The following GRID2 variants were observed in gnomAD, a reference collection of about 807,000 sequenced individuals.
GRID2 encodes the protein glutamate ionotropic receptor delta type subunit 2, also known as glutamate receptor ionotropic, delta-2.
A neutral mutation model predicts 114.8 loss-of-function variants in GRID2; 33 were observed. The ratio of observed to expected loss-of-function variants is 0.29; its 90% CI spans 0.22 to 0.38. The LOEUF is 0.38. GRID2 is among the 10% of genes least tolerant of loss of function. GRID2 has a pLI of 1.00. For synonymous variants in GRID2, 505 were observed against 449.9 expected, an observed-to-expected ratio of 1.12 and a Z score of -1.55; for missense variants, 1,184 against 1,257.7, an observed-to-expected ratio of 0.94 and a Z score of 0.89.
intron 1 of GRID2, among the ~76,000 whole-genome samples, chr4:92,315,417 A>G (rs976096272): frequency 6.6e-6 from 1 of 152,204 alleles, no homozygotes; most frequent in Non-Finnish European, 1.5e-5. Context: ...GCTGGAGCCT[A>G]GGAACTTAAT....
At chr4:92,550,983 T>A (rs2149172647) in intron 1 of GRID2, among the ~76,000 whole-genome samples, 1 of 152,326 alleles carries the variant, frequency 6.6e-6, no homozygotes, top group Non-Finnish European at 1.5e-5. Flanking sequence ...ACCAGTTTTC[T>A]GATTCTGGTT....
At chr4:92,430,698 G>T (rs1732397218) in intron 1 of GRID2, among the ~76,000 whole-genome samples, 1 of 152,092 alleles carries the variant, frequency 6.6e-6, no homozygotes, top group Non-Finnish European at 1.5e-5. Context: ...AGTTTGGGTA[G>T]TATGGACTTT....
chr4:93,798,773 C>A (rs1248985135), intron 1 of GRID2, among the ~76,000 whole-genome samples: 2 of 152,172 alleles, frequency 1.3e-5, no homozygotes, highest in Non-Finnish European at 2.9e-5. Flanking sequence ...ATGCCTCTCC[C>A]CACCCTCAGA....
intron 2 of GRID2, among the ~76,000 whole-genome samples, chr4:92,795,391 A>G (rs1739814303): frequency 6.6e-6 from 1 of 151,850 alleles, no homozygotes; most frequent in Admixed American, 6.6e-5. Context: ...CCATGTAAGA[A>G]GTGCCTTTCA....
At chr4:93,221,698 G>A (rs141341329) in intron 6 of GRID2, among the ~76,000 whole-genome samples, 1 of 152,154 alleles carries the variant, frequency 6.6e-6, no homozygotes, top group South Asian at 2.1e-4. Flanking sequence ...ATAAAGTGTA[G>A]CATAGGAAAG....
chr4:92,770,126 C>T (rs1027259074), intron 2 of GRID2, among the ~76,000 whole-genome samples: 12 of 152,176 alleles, frequency 7.9e-5, no homozygotes, highest in Admixed American at 7.2e-4. Context: ...ATTTCTTCCA[C>T]AAGATAGCCT....
At chr4:92,955,400 T>C (rs1752328018) in intron 2 of GRID2, among the ~76,000 whole-genome samples, 1 of 152,360 alleles carries the variant, frequency 6.6e-6, no homozygotes, top group African/African-American at 2.4e-5. Flanking sequence ...GTCTGTTGGC[T>C]GCATAAATGT....
In GRID2 at chr4:92,944,214, C is replaced by G. The variant is rs185702689; in HGVS notation, c.245-140781C>G. Among the ~76,000 whole-genome samples the G allele has an allele frequency of 2.5e-3, 388 of 152,356 alleles. 9 individuals carry two copies. In the East Asian group the frequency reaches 0.057, roughly 22 times the overall value. ...ACAGAGGCAGGCAGGCCTCCTTGAGCTGTGGTGGGCTCCACCCAATTTTGG... is the reference window on the plus strand; with the variant it reads ...ACAGAGGCAGGCAGGCCTCCTTGAGGTGTGGTGGGCTCCACCCAATTTTGG... On this transcript the variant is annotated intron_variant, in intron 2 of 15. Transcript: ENST00000282020.
intron 1 of GRID2, among the ~76,000 whole-genome samples, chr4:92,320,552 G>A (rs1321208918): frequency 6.6e-6 from 1 of 151,800 alleles, no homozygotes; most frequent in African/African-American, 2.4e-5. Context: ...TCTGCTAACT[G>A]CAACCTCTGC....
intron 2 of GRID2, among the ~76,000 whole-genome samples, chr4:92,709,782 T>C (rs924801248): frequency 1.3e-5 from 2 of 151,710 alleles, no homozygotes; most frequent in African/African-American, 4.8e-5. Context: ...GTGAACCTGA[T>C]CTAACGTTAC....
chr4:92,537,042 C>T (rs999090602), intron 1 of GRID2, among the ~76,000 whole-genome samples: 5 of 152,178 alleles, frequency 3.3e-5, no homozygotes, highest in Non-Finnish European at 5.9e-5. Context: ...CTTACTTCAG[C>T]TTCATATCCA....
At chr4:92,786,858 G>A (rs894172725) in intron 2 of GRID2, among the ~76,000 whole-genome samples, 16 of 151,804 alleles carry the variant, frequency 1.1e-4, no homozygotes, top group African/African-American at 3.9e-4. Flanking sequence ...TTAACCGAAA[G>A]CTCAATTAAA....
intron 14 of GRID2, among the ~76,000 whole-genome samples, chr4:93,693,359 G>T (rs1293287020): frequency 1.3e-5 from 2 of 152,072 alleles, no homozygotes; most frequent in Non-Finnish European, 2.9e-5. Context: ...CTTAATACTG[G>T]AATCCGCAAG....
At chr4:93,120,365 A>G (rs1209592480) in intron 4 of GRID2, among the ~76,000 whole-genome samples, 1 of 152,174 alleles carries the variant, frequency 6.6e-6, no homozygotes, top group East Asian at 1.9e-4. Flanking sequence ...TCAATGATAG[A>G]CTGGATAAAG....
intron 1 of GRID2, among the ~76,000 whole-genome samples, chr4:92,561,319 A>G (rs1727095044): frequency 6.6e-6 from 1 of 152,240 alleles, no homozygotes. Context: ...CTGGAGAAAT[A>G]GAAATATATA....
intron 4 of GRID2, among the ~76,000 whole-genome samples, chr4:93,178,968 T>A (rs1018310711): frequency 6.6e-6 from 1 of 152,068 alleles, no homozygotes; most frequent in East Asian, 1.9e-4. Flanking sequence ...AAGTCAAGAT[T>A]TCTGGCTCTT....
intron 8 of GRID2, among the ~76,000 whole-genome samples, chr4:93,299,606 T>A (rs1215931190): frequency 6.6e-6 from 1 of 151,008 alleles, no homozygotes; most frequent in Non-Finnish European, 1.5e-5. Context: ...TGTTAAATGA[T>A]GAGTTGATGG....
intron 1 of GRID2, among the ~76,000 whole-genome samples, chr4:92,458,851 A>G (rs1452633305): frequency 6.6e-6 from 1 of 152,196 alleles, no homozygotes; most frequent in Non-Finnish European, 1.5e-5. Context: ...AGTCCATGTG[A>G]TAAGGGTTAC....
chr4:92,897,368 T>G (rs1326566997), intron 2 of GRID2, among the ~76,000 whole-genome samples: 3 of 152,154 alleles, frequency 2.0e-5, no homozygotes, highest in African/African-American at 7.2e-5. Context: ...GTATAAACTA[T>G]TCTCAATCAT....
Sources: allele counts gnomAD v4.1 joint callset (sites outside exome capture counted in the v4.1 genomes callset), GRCh38; gene constraint gnomAD v4.1.1; transcripts MANE v1.5; gene names NCBI Gene and HGNC (gene_info 2026-07-23, HGNC 2026-07-21).